CEP350: variants seen among roughly 807,000 people sequenced by gnomAD.
CEP350 encodes the protein centrosome-associated protein 350.
Under a neutral mutation model 331.8 loss-of-function variants are expected in CEP350, and 126 were observed. That is an observed-to-expected ratio of 0.38 (90% CI 0.33 to 0.44). The LOEUF (loss-of-function observed/expected upper bound fraction) is 0.44. CEP350 is among the 20% of genes least tolerant of loss of function. The pLI, the probability that CEP350 is intolerant of heterozygous loss-of-function variation, is 1.00. For synonymous variants in CEP350, 1,200 were observed against 1,259.5 expected, an observed-to-expected ratio of 0.95 and a Z score of 1.00; for missense variants, 3,406 against 3,634.6, an observed-to-expected ratio of 0.94 and a Z score of 1.62.
intron 1 of CEP350, among the ~76,000 whole-genome samples, chr1:179,973,955 T>G (rs1381772062): frequency 6.6e-6 from 1 of 152,176 alleles, no homozygotes. Flanking sequence ...ATCATGTTTC[T>G]TAACGCTTCT....
intron 22 of CEP350, 34 bp from the exon 23 acceptor site, chr1:180,052,933 TATA>T: frequency 1.2e-6 from 1 of 801,376 alleles, no homozygotes; most frequent in Middle Eastern, 3.3e-4. Flanking sequence ...TGAGAACAAT[TATA>T]ATGATAAAAT....
chr1:180,041,904 T>C, intron 19 of CEP350, 102 bp downstream of exon 19: 1 of 1,101,696 alleles, frequency 9.1e-7, no homozygotes, highest in Non-Finnish European at 1.3e-6. Context: ...AAATGCATAC[T>C]TTGAATTAGT....
intron 37 of CEP350, among the ~76,000 whole-genome samples, chr1:180,099,291 A>T (rs1185786248): frequency 1.3e-5 from 2 of 152,198 alleles, no homozygotes; most frequent in Admixed American, 6.5e-5. Context: ...CTGACTGCCC[A>T]TGTTTAAATC....
In CEP350 at chr1:179,996,651, A is replaced by G. The variant is rs371350700; in HGVS notation, c.494A>G (p.Asn165Ser). 3 of 1,613,316 alleles carry G rather than the reference A, an allele frequency of 1.9e-6. No homozygotes were observed. The East Asian group carries it at 6.7e-5, about 36-fold the overall frequency. ...DVNEEKTESG[N>S]WMIGSREERN... ...AATGAAGAAAAGACTGAGAGCGGTA[A>G]CTGGATGATAGGCAGTCGAGAAGAA... is the stretch of plus-strand genomic sequence containing the variant. Residue 165 changes from asparagine to serine, a missense_variant, in exon 6 of 38, where the codon AAC (asparagine) becomes AGC (serine). Coordinates refer to ENST00000367607, the MANE Select transcript of CEP350 (RefSeq NM_014810.5).
intron 3 of CEP350, 53 bp downstream of exon 3, chr1:179,987,339 GTT>G: frequency 1.0e-6 from 1 of 990,996 alleles, no homozygotes; most frequent in Non-Finnish European, 1.5e-6. Context: ...TCAATTTCCT[GTT>G]ATGATTGAAT....
intron 16 of CEP350, among the ~76,000 whole-genome samples, chr1:180,036,405 G>C (rs1238000516): frequency 6.6e-6 from 1 of 152,178 alleles, no homozygotes; most frequent in Non-Finnish European, 1.5e-5. Flanking sequence ...ATGCTCCAGA[G>C]AAATCTTTTG....
chr1:179,971,764 C>T (rs1314128523), intron 1 of CEP350, among the ~76,000 whole-genome samples: 1 of 152,190 alleles, frequency 6.6e-6, no homozygotes, highest in African/African-American at 2.4e-5. Context: ...CTTCTGTTTG[C>T]ATTCAGTCTG....
At chr1:179,967,300 T>C (rs1334829572) in intron 1 of CEP350, among the ~76,000 whole-genome samples, 9 of 152,190 alleles carry the variant, frequency 5.9e-5, no homozygotes. Flanking sequence ...TTTGTTGTTG[T>C]TAGTGGGCTT....
intron 1 of CEP350, among the ~76,000 whole-genome samples, chr1:179,960,257 C>T (rs544913076): frequency 1.7e-4 from 24 of 140,122 alleles, no homozygotes; most frequent in African/African-American, 6.4e-4. Context: ...CTAATGCGTG[C>T]ACCTCTCTGA....
chr1:179,961,174 G>C (rs550538953), intron 1 of CEP350, among the ~76,000 whole-genome samples: 1 of 152,178 alleles, frequency 6.6e-6, no homozygotes, highest in African/African-American at 2.4e-5. Flanking sequence ...GGCCAGGCGC[G>C]GTGGCTCATG....
At chr1:180,091,254 C>A (rs1025617329) in intron 33 of CEP350, among the ~76,000 whole-genome samples, 2 of 151,712 alleles carry the variant, frequency 1.3e-5, no homozygotes, top group Non-Finnish European at 2.9e-5. Flanking sequence ...CTTGGACTCA[C>A]GCAGTCCTCC....
intron 11 of CEP350, among the ~76,000 whole-genome samples, chr1:180,016,896 C>T (rs1383513258): frequency 6.6e-6 from 1 of 152,120 alleles, no homozygotes; most frequent in Non-Finnish European, 1.5e-5. Context: ...CTCCTGACCT[C>T]AAGTGATCCA....
At chr1:180,025,535 G>A (rs966567348) in intron 14 of CEP350, among the ~76,000 whole-genome samples, 1 of 152,138 alleles carries the variant, frequency 6.6e-6, no homozygotes, top group African/African-American at 2.4e-5. Flanking sequence ...AAAGTGATTA[G>A]GCAAAGGCTT....
chr1:180,090,934 CT>C, intron 33 of CEP350, 138 bp downstream of exon 33: 1 of 734,818 alleles, frequency 1.4e-6, no homozygotes, highest in Non-Finnish European at 1.9e-6. Flanking sequence ...TTTAAAGTTA[CT>C]TTTATATTTT....
chr1:180,065,122 A>G lies in CEP350; in HGVS notation c.5417A>G (p.His1806Arg), dbSNP rs1224415303. 1.2e-6 allele frequency: 2 copies of G among 1,603,174 alleles called. No homozygotes were observed. The highest frequency in any genetic ancestry group is 4.5e-5 in the East Asian group (2 of 44,586). The change falls in exon 27 of 38, where the codon CAT (histidine) becomes CGT (arginine). Residue 1806 changes from histidine to arginine, a missense_variant. This residue lies in a region of CEP350 where 1,415 missense variants were observed against 1,512.3 expected (regional missense o/e 0.94). Transcript: ENST00000367607. ...KSAGESKLDS[H>R]SDDDTKDNKA... ...GCCTCTTTTTGTTTGCAGGACTCTC[A>G]TAGTGATGATGATACAAAGGATAAT...
At chr1:180,054,959 A>G (rs924424964) in intron 25 of CEP350, among the ~76,000 whole-genome samples, 2 of 152,314 alleles carry the variant, frequency 1.3e-5, no homozygotes, top group Middle Eastern at 3.4e-3. Context: ...AGTGGTAAAG[A>G]ATTCAGGCTC....
chr1:180,019,472 G>A (rs1048086834), intron 11 of CEP350, among the ~76,000 whole-genome samples: 1 of 152,046 alleles, frequency 6.6e-6, no homozygotes, highest in African/African-American at 2.4e-5. Context: ...TCAGCATATA[G>A]TAAATATTTG....
At chr1:180,068,374 A>G (rs1286708489) in intron 27 of CEP350, among the ~76,000 whole-genome samples, 5 of 152,178 alleles carry the variant, frequency 3.3e-5, no homozygotes, top group African/African-American at 4.8e-5. Flanking sequence ...ATAATATTCA[A>G]AATGTGAAAG....
At chr1:180,061,397 A>G (rs9887843) in intron 25 of CEP350, among the ~76,000 whole-genome samples, 109,461 of 151,986 alleles carry the variant, frequency 0.72, 40,485 homozygotes, top group Admixed American at 0.8. Flanking sequence ...GGGTTTCACC[A>G]TGTTGCCTAG....
Sources: allele counts gnomAD v4.1 joint callset (sites outside exome capture counted in the v4.1 genomes callset), GRCh38; gene constraint gnomAD v4.1.1; regional missense constraint gnomAD v4.1.1; transcripts MANE v1.5; gene names NCBI Gene and HGNC (gene_info 2026-07-23, HGNC 2026-07-21).